Variants in ACBD3 observed in about 807,000 individuals in gnomAD.
ACBD3 encodes the protein Golgi resident protein GCP60.
In ACBD3, 30 loss-of-function variants were observed where a neutral mutation model predicts 66.9. The ratio of observed to expected loss-of-function variants is 0.45; its 90% CI spans 0.34 to 0.61. ACBD3 has a LOEUF of 0.61. ACBD3 is among the 20% of genes least tolerant of loss of function. ACBD3 has a pLI of 0.02. For missense variants in ACBD3, 544 were observed against 664.5 expected, an observed-to-expected ratio of 0.82 and a Z score of 1.99; for synonymous variants, 278 against 259.8, an observed-to-expected ratio of 1.07 and a Z score of -0.68.
intron 1 of ACBD3, among the ~76,000 whole-genome samples, chr1:226,167,879 CCCCCACCT>C (rs1659905006): frequency 6.6e-6 from 1 of 152,116 alleles, no homozygotes; most frequent in African/African-American, 2.4e-5. Context: ...GATACCAAGA[CCCCCACCT>C]CCCATCAGAT....
chr1:226,165,464 C>T (rs1367571443), intron 2 of ACBD3, among the ~76,000 whole-genome samples: 1 of 152,200 alleles, frequency 6.6e-6, no homozygotes, highest in Non-Finnish European at 1.5e-5. Flanking sequence ...AACTGCCGCA[C>T]CTGGCCTATT....
chr1:226,150,666 C>G (rs181107153), intron 7 of ACBD3, among the ~76,000 whole-genome samples: 1 of 152,142 alleles, frequency 6.6e-6, no homozygotes, highest in Non-Finnish European at 1.5e-5. Context: ...CGTGAGCCAC[C>G]GCGTCCGGCC....
chr1:226,170,020 CAA>C (rs771896387), intron 1 of ACBD3, among the ~76,000 whole-genome samples: 130 of 74,936 alleles, frequency 1.7e-3, no homozygotes, highest in Non-Finnish European at 2.2e-3. Flanking sequence ...GATTCCATCT[CAA>C]AAAAAAAAAA....
intron 6 of ACBD3, among the ~76,000 whole-genome samples, chr1:226,153,662 C>G (rs1659618635): frequency 6.6e-6 from 1 of 152,208 alleles, no homozygotes; most frequent in Admixed American, 6.5e-5. Flanking sequence ...AAACCTTCAA[C>G]TAATTGCTGA....
intron 1 of ACBD3, among the ~76,000 whole-genome samples, chr1:226,177,361 CTT>C (rs376001082): frequency 8.0e-5 from 11 of 138,070 alleles, no homozygotes; most frequent in Admixed American, 7.4e-5. Context: ...CCACTCTTGG[CTT>C]TTTTTTTTTT....
chr1:226,159,494 T>C (rs774075628), intron 4 of ACBD3, 136 bp from the exon 5 acceptor site: 14 of 738,210 alleles, frequency 1.9e-5, no homozygotes, highest in South Asian at 4.9e-5. Context: ...CCAATTAGTA[T>C]GTGTTCTGGG....
At chr1:226,153,708 G>A (rs745779096) in intron 6 of ACBD3, among the ~76,000 whole-genome samples, 1 of 152,144 alleles carries the variant, frequency 6.6e-6, no homozygotes, top group Non-Finnish European at 1.5e-5. Flanking sequence ...AGCTAGTAGA[G>A]CTTTGAAAAT....
chr1:226,152,447 G>A lies in ACBD3; in HGVS notation c.1263C>T (p.Ala421=), dbSNP rs1411743275. Residue 421 remains alanine, a synonymous_variant, in exon 7 of 8, where the codon GCC becomes GCT. Coordinates refer to ENST00000366812, the MANE Select transcript of ACBD3 (RefSeq NM_022735.4). The stretch of plus-strand genomic sequence containing the variant: ...CAAACCCAATGTCATAATTGTCTGT[G>A]GCAAATTCCCAAAAGAGATATGATC... The part of the protein sequence containing the change: ...EEGSYLFWEF[A]TDNYDIGFGV... 3.1e-6 allele frequency: 5 copies of A among 1,614,034 alleles called. No homozygotes were observed. Among genetic ancestry groups the A allele is most frequent in the Non-Finnish European group, 4.2e-6 (5 of 1,180,030 alleles).
chr1:226,177,263 T>C (rs1277065990), intron 1 of ACBD3, among the ~76,000 whole-genome samples: 2 of 150,814 alleles, frequency 1.3e-5, no homozygotes, highest in Non-Finnish European at 1.5e-5. Flanking sequence ...AGTGGTGTGA[T>C]CTCAGCTCAC....
At chr1:226,183,473 C>A (rs1386570054) in intron 1 of ACBD3, among the ~76,000 whole-genome samples, 1 of 152,120 alleles carries the variant, frequency 6.6e-6, no homozygotes, top group African/African-American at 2.4e-5. Context: ...AAAGCTACCA[C>A]ACCCGGCCGA....
intron 1 of ACBD3, among the ~76,000 whole-genome samples, chr1:226,173,755 TTC>T (rs1297280770): frequency 1.4e-4 from 19 of 132,714 alleles, no homozygotes; most frequent in African/African-American, 5.4e-4. Context: ...TTTTTTTCTT[TTC>T]TTTTTTTTTT....
intron 1 of ACBD3, among the ~76,000 whole-genome samples, chr1:226,171,992 T>C (rs1338241736): frequency 6.6e-6 from 1 of 151,132 alleles, no homozygotes; most frequent in African/African-American, 2.4e-5. Context: ...CCGTCTCTAA[T>C]GAAAATACAA....
intron 1 of ACBD3, among the ~76,000 whole-genome samples, chr1:226,168,629 G>A (rs577388041): frequency 1.3e-5 from 2 of 152,304 alleles, no homozygotes; most frequent in African/African-American, 4.8e-5. Flanking sequence ...TGGCCTAGTG[G>A]TGTGGTAGCC....
At position 226,173,762 on chromosome 1, in the gene ACBD3, T is replaced by TC. The variant is rs1208310885; in HGVS notation, c.287-7763_287-7762insG. ...TTCTTCTTTTTTTTTCTTTTCTTTTTTTTTTTTTTTTTTTTTGAGACAGAG... is the reference window on the plus strand; with the variant it reads ...TTCTTCTTTTTTTTTCTTTTCTTTTTCTTTTTTTTTTTTTTTTGAGACAGAG... On this transcript the variant is annotated intron_variant, in intron 1 of 7. Coordinates refer to ENST00000366812, the MANE Select transcript of ACBD3 (RefSeq NM_022735.4). 3.0e-3 allele frequency among the ~76,000 whole-genome samples: 402 copies of TC among 135,094 alleles called. 1 individual carries two copies. Among genetic ancestry groups the TC allele is most frequent in the African/African-American group, 0.01 (370 of 35,654 alleles). The allele number at this position is 135,094 out of a possible 152,430, so 88.6% of individuals were successfully genotyped here.
chr1:226,149,546 T>A (rs1341637445), intron 7 of ACBD3, among the ~76,000 whole-genome samples: 3 of 119,882 alleles, frequency 2.5e-5, no homozygotes, highest in South Asian at 5.8e-4. Flanking sequence ...TTTTTTTTTT[T>A]TTTTTTTTTT....
intron 6 of ACBD3, among the ~76,000 whole-genome samples, chr1:226,154,116 T>C (rs1221212153): frequency 6.6e-6 from 1 of 152,200 alleles, no homozygotes; most frequent in Non-Finnish European, 1.5e-5. Context: ...GTCAGAGCCA[T>C]TCAGCTAAAC....
chr1:226,169,185 C>A (rs1248617201), intron 1 of ACBD3, among the ~76,000 whole-genome samples: 1 of 151,778 alleles, frequency 6.6e-6, no homozygotes, highest in African/African-American at 2.4e-5. Context: ...TAACAAATGG[C>A]GATAATTTGA....
rs1191608517 is a variant in ACBD3, at chr1:226,172,170, A to AAAAAAAAAAAC, written c.287-6171_287-6170insGTTTTTTTTTT. Among the ~76,000 whole-genome samples the AAAAAAAAAAAC allele has an allele frequency of 7.2e-5, 9 of 125,638 alleles. 2 individuals carry two copies. Among genetic ancestry groups the AAAAAAAAAAAC allele is most frequent in the African/African-American group, 2.5e-4 (9 of 35,810 alleles). The allele number at this position is 125,638 out of a possible 152,430, so 82.4% of individuals were successfully genotyped here. ...AACTCCATCTCAAAAAAAAAAAAAAAGAGGAATACATTTTCAGTGCTAGTC... is the reference window on the plus strand; with the variant it reads ...AACTCCATCTCAAAAAAAAAAAAAAAAAAAAAAAAACGAGGAATACATTTTCAGTGCTAGTC... On this transcript the variant is annotated intron_variant, in intron 1 of 7. Coordinates refer to ENST00000366812, the MANE Select transcript of ACBD3 (RefSeq NM_022735.4).
intron 1 of ACBD3, among the ~76,000 whole-genome samples, chr1:226,177,043 G>A (rs1388836078): frequency 2.0e-5 from 3 of 150,894 alleles, no homozygotes; most frequent in African/African-American, 4.8e-5. Flanking sequence ...ACATTCAGCC[G>A]TGAGTAACAG....
Sources: allele counts gnomAD v4.1 joint callset (sites outside exome capture counted in the v4.1 genomes callset), GRCh38; gene constraint gnomAD v4.1.1; transcripts MANE v1.5; gene names NCBI Gene and HGNC (gene_info 2026-07-23, HGNC 2026-07-21).